Variants in GLG1 observed in about 807,000 individuals in gnomAD.
GLG1 encodes the protein golgi glycoprotein 1.
A neutral mutation model predicts 160.5 loss-of-function variants in GLG1; 38 were observed. That is an observed-to-expected ratio of 0.24 (90% CI 0.18 to 0.31). The LOEUF (loss-of-function observed/expected upper bound fraction) is 0.31, where lower values mean the gene tolerates loss of function less well. Among genes scored for constraint, GLG1 ranks in the 10% least tolerant of loss-of-function variants. The probability of loss-of-function intolerance (pLI) is 1.00; values close to 1 mark genes in which losing one functional copy is unlikely to be tolerated. For synonymous variants in GLG1, 644 were observed against 543.4 expected, an observed-to-expected ratio of 1.19 and a Z score of -2.57; for missense variants, 1,373 against 1,505.2, an observed-to-expected ratio of 0.91 and a Z score of 1.45.
chr16:74,523,902 T>C (rs924447716), intron 2 of GLG1, among the ~76,000 whole-genome samples: 3 of 152,086 alleles, frequency 2.0e-5, no homozygotes, highest in African/African-American at 7.2e-5. Flanking sequence ...ATGATTCTGC[T>C]GATAGTGCAT....
At position 74,470,068 on chromosome 16, in the gene GLG1, C is replaced by T; in HGVS notation, c.2235G>A (p.Gln745=). The change falls in exon 16 of 26, where the codon CAG becomes CAA. Residue 745 remains glutamine (Q), a synonymous_variant. Coordinates refer to ENST00000422840, the MANE Select transcript of GLG1 (RefSeq NM_001145667.2). ...AIGVTHFQLV[Q]MKDFRFSYKF... Reference sequence around the variant, plus strand: ...TGTAAGAAAACCGAAAATCCTTCATCTGCACCTGAAAGGTAAAGAGAAAGA... The same window carrying T: ...TGTAAGAAAACCGAAAATCCTTCATTTGCACCTGAAAGGTAAAGAGAAAGA... 1 of 1,594,214 alleles carries T rather than the reference C, an allele frequency of 6.3e-7. No individual in the cohort carries two copies. Among genetic ancestry groups the T allele is most frequent in the Non-Finnish European group, 8.6e-7 (1 of 1,162,402 alleles).
chr16:74,564,472 T>C (rs2018595566), intron 1 of GLG1, among the ~76,000 whole-genome samples: 1 of 152,230 alleles, frequency 6.6e-6, no homozygotes, highest in South Asian at 2.1e-4. Flanking sequence ...TCAAAAGTTA[T>C]AAATGTTTGC....
At chr16:74,572,534 A>C (rs1462581937) in intron 1 of GLG1, among the ~76,000 whole-genome samples, 2 of 151,550 alleles carry the variant, frequency 1.3e-5, no homozygotes, top group South Asian at 2.1e-4. Flanking sequence ...AAACAAAAAA[A>C]AAAAAACACA....
At chr16:74,462,447 C>A (rs1398315576) in intron 21 of GLG1, 41 bp downstream of exon 21, 4 of 1,564,838 alleles carry the variant, frequency 2.6e-6, no homozygotes, top group African/African-American at 1.4e-5. Flanking sequence ...GGGACAGAGG[C>A]TCCATAAATA....
At chr16:74,606,582 A>G in intron 1 of GLG1, 75 bp downstream of exon 1, 2 of 1,273,822 alleles carry the variant, frequency 1.6e-6, no homozygotes. Context: ...GACCGGCGTC[A>G]GCGGCTTCCA....
At chr16:74,584,088 C>T (rs1478675744) in intron 1 of GLG1, among the ~76,000 whole-genome samples, 1 of 152,166 alleles carries the variant, frequency 6.6e-6, no homozygotes, top group Non-Finnish European at 1.5e-5. Flanking sequence ...ATTTTCCTCA[C>T]TTCAATTCAT....
At chr16:74,597,323 C>A (rs1251397642) in intron 1 of GLG1, among the ~76,000 whole-genome samples, 2 of 150,748 alleles carry the variant, frequency 1.3e-5, no homozygotes, top group Non-Finnish European at 3.0e-5. Flanking sequence ...CCCAGCTACT[C>A]AGGAGGCTGA....
At chr16:74,480,053 A>C (rs1275944549) in intron 11 of GLG1, among the ~76,000 whole-genome samples, 188 bp downstream of exon 11, 4 of 152,204 alleles carry the variant, frequency 2.6e-5, no homozygotes, top group African/African-American at 9.6e-5. Context: ...AAATCAGATG[A>C]TAGAAGCTGG....
intron 23 of GLG1, 64 bp downstream of exon 23, chr16:74,459,618 T>TA (rs1183894786): frequency 7.4e-5 from 62 of 838,434 alleles, no homozygotes; most frequent in Non-Finnish European, 1.1e-4. Flanking sequence ...ACTACAGCAT[T>TA]AAAAGGAAGA....
At chr16:74,458,119 T>C in intron 23 of GLG1, 125 bp from the exon 24 acceptor site, 2 of 831,452 alleles carry the variant, frequency 2.4e-6, no homozygotes, top group Middle Eastern at 2.4e-4. Context: ...AGAGACCACT[T>C]TGGGACAGGT....
At chr16:74,480,543 C>A in intron 10 of GLG1, 149 bp from the exon 11 acceptor site, 1 of 551,908 alleles carries the variant, frequency 1.8e-6, no homozygotes, top group Non-Finnish European at 3.1e-6. Context: ...AAGTATATTC[C>A]TGAATTTTGT....
chr16:74,490,631 C>T (rs1207127003), intron 8 of GLG1, among the ~76,000 whole-genome samples: 2 of 152,182 alleles, frequency 1.3e-5, no homozygotes, highest in African/African-American at 2.4e-5. Flanking sequence ...TCTATTACAA[C>T]AGGCAAATTC....
At chr16:74,506,139 G>A (rs543265708) in intron 3 of GLG1, among the ~76,000 whole-genome samples, 63 of 145,972 alleles carry the variant, frequency 4.3e-4, no homozygotes, top group Non-Finnish European at 7.2e-4. Flanking sequence ...AAAGTGAAAG[G>A]AGGAATAGAT....
In GLG1 at chr16:74,606,684, C is replaced by T; in HGVS notation, c.411G>A (p.Val137=). The T allele has an allele frequency of 6.3e-7, 1 of 1,593,734 alleles. No individual in the cohort carries two copies. Among genetic ancestry groups the T allele is most frequent in the Non-Finnish European group, 8.6e-7 (1 of 1,166,898 alleles). Residue 137 remains valine, a synonymous_variant, in exon 1 of 26, where the codon GTG becomes GTA. Transcript: ENST00000422840. ...CCCTCACATCCTGCAGGCACTCGAG[C>T]ACCGCCAGGTTGTTGCTCCAGGTGT... ...PKHTWSNNLA[V]LECLQDVREP...
intron 1 of GLG1, among the ~76,000 whole-genome samples, chr16:74,603,571 C>T (rs1349883371): frequency 3.3e-5 from 5 of 152,072 alleles, no homozygotes; most frequent in Admixed American, 1.3e-4. Context: ...CCACTGCGCC[C>T]GGCTGAACAC....
intron 2 of GLG1, among the ~76,000 whole-genome samples, chr16:74,518,355 C>T (rs1203941059): frequency 2.0e-5 from 3 of 152,040 alleles, no homozygotes; most frequent in Non-Finnish European, 4.4e-5. Flanking sequence ...AACAGATATA[C>T]AGGCCAATGG....
intron 5 of GLG1, 103 bp from the exon 6 acceptor site, chr16:74,494,934 T>A: frequency 1.7e-6 from 1 of 598,958 alleles, no homozygotes; most frequent in Non-Finnish European, 3.0e-6. Flanking sequence ...ATTATAATCG[T>A]ACATACCTTT....
chr16:74,462,040 T>C, intron 22 of GLG1, 54 bp downstream of exon 22: 1 of 903,312 alleles, frequency 1.1e-6, no homozygotes, highest in Non-Finnish European at 1.8e-6. Flanking sequence ...TTTTCTCCAG[T>C]GGAAACTTCT....
chr16:74,459,526 G>C (rs776437032), intron 23 of GLG1, among the ~76,000 whole-genome samples, 156 bp downstream of exon 23: 1 of 151,928 alleles, frequency 6.6e-6, no homozygotes, highest in Admixed American at 6.6e-5. Context: ...AAAATCAAAT[G>C]AAAGTTTGGT....
Sources: allele counts gnomAD v4.1 joint callset (sites outside exome capture counted in the v4.1 genomes callset), GRCh38; gene constraint gnomAD v4.1.1; transcripts MANE v1.5; gene names NCBI Gene and HGNC (gene_info 2026-07-23, HGNC 2026-07-21).